The following EPM2A variants were observed in gnomAD, a reference collection of about 807,000 sequenced individuals.
EPM2A encodes laforin.
In EPM2A, 21 loss-of-function variants were observed where a neutral mutation model predicts 26.5. That is an observed-to-expected ratio of 0.79 (90% CI 0.56 to 1.14). EPM2A has a LOEUF of 1.14. Ranked by LOEUF, EPM2A falls within the 50% of genes most tolerant of loss-of-function variation. The probability of loss-of-function intolerance (pLI) is 0.00; values close to 1 mark genes in which losing one functional copy is unlikely to be tolerated. For missense variants in EPM2A, 458 were observed against 440.8 expected (o/e 1.04, Z -0.35); for synonymous variants, 217 against 177.6 (o/e 1.22, Z -1.76).
intron 2 of EPM2A, among the ~76,000 whole-genome samples, chr6:145,520,773 G>A (rs1370635932): frequency 6.6e-6 from 1 of 152,038 alleles, no homozygotes; most frequent in Non-Finnish European, 1.5e-5. Context: ...CAAATTAAAG[G>A]GGACCACAAG....
intron 4 of EPM2A, among the ~76,000 whole-genome samples, chr6:145,397,079 G>T (rs929138425): frequency 6.6e-5 from 10 of 152,128 alleles, no homozygotes; most frequent in African/African-American, 2.2e-4. Context: ...AAGCTCTTCT[G>T]CTGGTATTAC....
rs112842275 is a variant in EPM2A, at chr6:145,616,601, G to C, written c.340+18644C>G. On this transcript the variant is annotated intron_variant, in intron 2 of 3. Transcript: ENST00000450221. ...GCACTGTGTGCCTGGAAAAGCTACAGATACTCAATGCCAGCCCATGAAAGC... is the reference window on the plus strand; with the variant it reads ...GCACTGTGTGCCTGGAAAAGCTACACATACTCAATGCCAGCCCATGAAAGC... Among the ~76,000 whole-genome samples the C allele has an allele frequency of 5.1e-3, 781 of 152,334 alleles. 8 individuals carry two copies. Among genetic ancestry groups the C allele is most frequent in the African/African-American group, 0.018 (744 of 41,584 alleles).
At chr6:145,612,330 A>T (rs1253675097) in intron 2 of EPM2A, among the ~76,000 whole-genome samples, 2 of 152,312 alleles carry the variant, frequency 1.3e-5, no homozygotes, top group Non-Finnish European at 2.9e-5. Flanking sequence ...AAATGGGTAG[A>T]AATACAAAGC....
At chr6:145,685,747 G>A (rs1213008154) in intron 2 of EPM2A, among the ~76,000 whole-genome samples, 2 of 152,142 alleles carry the variant, frequency 1.3e-5, no homozygotes, top group East Asian at 3.9e-4. Context: ...GGATAAGATT[G>A]TATAAGGAAA....
At chr6:145,529,561 G>A (rs1780324952) in intron 2 of EPM2A, among the ~76,000 whole-genome samples, 1 of 152,246 alleles carries the variant, frequency 6.6e-6, no homozygotes, top group East Asian at 1.9e-4. Context: ...TAGACATAAT[G>A]CTATTACACA....
At chr6:145,491,157 G>C in intron 4 of EPM2A, 2 of 535,322 alleles carry the variant, frequency 3.7e-6, no homozygotes, top group Admixed American at 2.2e-5. Flanking sequence ...AGTTTTCTTT[G>C]TTCCTGACTT....
intron 2 of EPM2A, among the ~76,000 whole-genome samples, chr6:145,518,269 G>C (rs572049591): frequency 6.6e-6 from 1 of 152,154 alleles, no homozygotes; most frequent in Non-Finnish European, 1.5e-5. Context: ...AGCGAGAAAA[G>C]TTTGATTTCA....
chr6:145,638,767 A>G (rs1198742452), intron 2 of EPM2A: 2 of 152,232 alleles, frequency 1.3e-5, no homozygotes, highest in South Asian at 4.1e-4. Context: ...AAACAAACAC[A>G]TCAATGGATT....
At chr6:145,634,338 C>T (rs148949302) in intron 3 of EPM2A, among the ~76,000 whole-genome samples, 1 of 152,292 alleles carries the variant, frequency 6.6e-6, no homozygotes, top group Non-Finnish European at 1.5e-5. Context: ...TGTGCCATAG[C>T]CTGTGCTGCT....
intron 4 of EPM2A, among the ~76,000 whole-genome samples, chr6:145,488,977 G>C (rs1021096573): frequency 6.6e-5 from 10 of 152,138 alleles, no homozygotes; most frequent in African/African-American, 2.4e-4. Context: ...TGCTCCTTAT[G>C]ACACAGACTT....
At chr6:145,662,976 G>A (rs1005955150) in intron 2 of EPM2A, among the ~76,000 whole-genome samples, 20 of 152,028 alleles carry the variant, frequency 1.3e-4, no homozygotes, top group African/African-American at 4.4e-4. Context: ...AATTTCGTTG[G>A]TGACTTCCTA....
At chr6:145,577,996 G>A (rs1781058035) in intron 2 of EPM2A, among the ~76,000 whole-genome samples, 2 of 152,104 alleles carry the variant, frequency 1.3e-5, no homozygotes, top group South Asian at 4.1e-4. Flanking sequence ...AAAATTTCTT[G>A]AATCAAATGA....
At chr6:145,479,149 A>G (rs373837198) in intron 4 of EPM2A, among the ~76,000 whole-genome samples, 15 of 151,020 alleles carry the variant, frequency 9.9e-5, no homozygotes, top group East Asian at 9.6e-4. Context: ...AAGTAGATTG[A>G]CGTCTTCCAG....
At chr6:145,473,418 T>C (rs1467139318) in intron 4 of EPM2A, among the ~76,000 whole-genome samples, 2 of 151,378 alleles carry the variant, frequency 1.3e-5, no homozygotes, top group African/African-American at 2.4e-5. Context: ...ATCTAGAAAA[T>C]AGCCTCAGAA....
At chr6:145,568,603 A>G (rs1049114568) in intron 2 of EPM2A, among the ~76,000 whole-genome samples, 3 of 152,172 alleles carry the variant, frequency 2.0e-5, no homozygotes, top group South Asian at 4.1e-4. Context: ...GATTACAGGC[A>G]TGAGCCACTG....
At chr6:145,469,166 G>A (rs1166010970) in intron 4 of EPM2A, among the ~76,000 whole-genome samples, 1 of 152,032 alleles carries the variant, frequency 6.6e-6, no homozygotes, top group East Asian at 1.9e-4. Flanking sequence ...AAGGCAGCAG[G>A]AAGGAGAAGT....
At position 145,627,249 on chromosome 6, in the gene EPM2A, C is replaced by A. The variant is rs62438250; in HGVS notation, c.*167G>T. 4.6e-6 allele frequency: 7 copies of A among 1,522,974 alleles called. No individual in the cohort carries two copies. Among genetic ancestry groups the A allele is most frequent in the African/African-American group, 1.4e-5 (1 of 72,284 alleles). The allele number at this position is 1,522,974 out of a possible 1,614,324, so 94.3% of individuals were successfully genotyped here. A position where few individuals can be genotyped will look rare whatever the true frequency, so the allele number is the denominator to read the frequency against. On this transcript the variant is annotated 3_prime_UTR_variant, in exon 4 of 4. Transcript: ENST00000367519. ...CTTGTAGAGTATTTCAAAAATACAG[C>A]CCCAAAACAAAGCATAATCGAAAGT...
At chr6:145,577,384 C>T (rs1346105557) in intron 2 of EPM2A, among the ~76,000 whole-genome samples, 5 of 149,128 alleles carry the variant, frequency 3.4e-5, no homozygotes. Context: ...AAAAAAAGAG[C>T]AGGAGGGGCT....
At chr6:145,556,920 TATC>T (rs1314132399) in intron 2 of EPM2A, among the ~76,000 whole-genome samples, 3 of 152,114 alleles carry the variant, frequency 2.0e-5, no homozygotes, top group Admixed American at 6.6e-5. Context: ...TATATGGAAA[TATC>T]ATACACGATC....
Sources: gnomAD v4.1 joint callset for allele counts (sites outside exome capture counted in the v4.1 genomes callset) on GRCh38, gnomAD v4.1.1 for gene constraint, MANE v1.5 for transcripts, NCBI Gene and HGNC (gene_info 2026-07-23, HGNC 2026-07-21) for gene names.